Variants in MSTO1 observed in about 807,000 individuals in gnomAD.
MSTO1 encodes the protein protein misato homolog 1.
Under a neutral mutation model 55.7 loss-of-function variants are expected in MSTO1, and 24 were observed. The ratio of observed to expected loss-of-function variants is 0.43; its 90% CI spans 0.31 to 0.61. The LOEUF is 0.61. Ranked by LOEUF, MSTO1 falls within the 20% of genes least tolerant of loss-of-function variation. MSTO1 has a pLI of 0.09. For synonymous variants in MSTO1, 162 were observed against 252.8 expected (o/e 0.64, Z 3.41); for missense variants, 363 against 625.7 (o/e 0.58, Z 4.48).
At chr1:155,599,957 G>A in the MSTO1 span, among the ~76,000 whole-genome samples, 6 of 152,380 alleles carry the variant, frequency 3.9e-5, no homozygotes, top group Non-Finnish European at 5.9e-5. Flanking sequence ...TAGATGGAAT[G>A]TACAATCGGG....
chr1:155,602,462 G>A, the MSTO1 span, among the ~76,000 whole-genome samples: 1 of 152,086 alleles, frequency 6.6e-6, no homozygotes, highest in Non-Finnish European at 1.5e-5. Flanking sequence ...GGCGACAAGA[G>A]CGAAACTCCA....
the MSTO1 span, among the ~76,000 whole-genome samples, chr1:155,573,698 C>T: frequency 6.6e-6 from 1 of 151,662 alleles, no homozygotes; most frequent in South Asian, 2.1e-4. Context: ...ATTAGCTGGG[C>T]GTGGTGGCAG....
the MSTO1 span, among the ~76,000 whole-genome samples, chr1:155,592,811 T>G: frequency 6.6e-6 from 1 of 152,138 alleles, no homozygotes; most frequent in Non-Finnish European, 1.5e-5. Context: ...CGCCTTGGGC[T>G]CCCAAAGTGC....
the MSTO1 span, among the ~76,000 whole-genome samples, chr1:155,574,866 T>C: frequency 2.7e-5 from 4 of 150,190 alleles, no homozygotes; most frequent in African/African-American, 5.0e-5. Flanking sequence ...TTTTAGAACT[T>C]TTTCTTTTTT....
the MSTO1 span, among the ~76,000 whole-genome samples, chr1:155,603,099 TC>T: frequency 6.6e-6 from 1 of 152,108 alleles, no homozygotes; most frequent in Admixed American, 6.6e-5. Context: ...GCACAGGGGC[TC>T]ATGCCTGTAA....
the MSTO1 span, among the ~76,000 whole-genome samples, chr1:155,598,097 C>T: frequency 3.3e-5 from 5 of 152,036 alleles, no homozygotes; most frequent in Non-Finnish European, 4.4e-5. Flanking sequence ...GGATTACAGG[C>T]GTGTGCCACT....
chr1:155,607,099 T>G (rs1672948151), upstream of MSTO1, among the ~76,000 whole-genome samples: 1 of 152,158 alleles, frequency 6.6e-6, no homozygotes, highest in Non-Finnish European at 1.5e-5. Context: ...CCCAAAGTGC[T>G]GGGATTACAG....
At position 155,614,864 on chromosome 1, in the gene MSTO1, G is replaced by A. The variant is rs1675264796; in HGVS notation, c.*591G>A. The A allele has an allele frequency of 6.4e-7, 1 of 1,574,094 alleles. No individual in the cohort carries two copies. The highest frequency in any genetic ancestry group is 8.6e-7 in the Non-Finnish European group (1 of 1,158,456). ...AGCTGCATGAGTTCTCGAAAATGGT[G>A]GGAAACCTAAGAAAGGAGGAGGGCT... On this transcript the variant is annotated 3_prime_UTR_variant, in exon 14 of 14. Coordinates refer to ENST00000245564, the MANE Select transcript of MSTO1 (RefSeq NM_018116.4).
intron 13 of MSTO1, 51 bp downstream of exon 13, chr1:155,613,817 C>A: frequency 6.2e-7 from 1 of 1,613,656 alleles, no homozygotes; most frequent in Non-Finnish European, 8.5e-7. Flanking sequence ...AGAGTTTTTA[C>A]TATCTCCATT....
chr1:155,609,241 A>AT (rs1481008523), upstream of MSTO1, among the ~76,000 whole-genome samples: 298 of 48,270 alleles, frequency 6.2e-3, 3 homozygotes, highest in African/African-American at 0.02. Flanking sequence ...ATATATATAT[A>AT]TATTTTTTTT....
In MSTO1 at chr1:155,612,541, C is replaced by T; in HGVS notation, c.937C>T (p.Pro313Ser). Residue 313 changes from proline to serine, a missense_variant, in exon 9 of 14, where the codon CCT becomes TCT. Physicochemically the swap from Pro to Ser is moderately conservative, Grantham distance 74 (BLOSUM62 -1). Coordinates refer to ENST00000245564, the MANE Select transcript of MSTO1 (RefSeq NM_018116.4). ...GAGCCTGGGCCTGCGACCCGAGCCACCTGTCAGCTTCCCTTACCTGCATTA... is the reference window on the plus strand; with the variant it reads ...GAGCCTGGGCCTGCGACCCGAGCCATCTGTCAGCTTCCCTTACCTGCATTA... ...GGSLGLRPEP[P>S]VSFPYLHYDA... is the part of the protein sequence containing the mutation. 2 of 1,613,026 alleles carry T rather than the reference C, an allele frequency of 1.2e-6. No homozygotes were observed. The highest frequency in any genetic ancestry group is 1.1e-5 in the South Asian group (1 of 91,028).
chr1:155,583,830 T>C, the MSTO1 span, among the ~76,000 whole-genome samples: 4 of 152,252 alleles, frequency 2.6e-5, no homozygotes, highest in Non-Finnish European at 4.4e-5. Context: ...CCACAGCTCT[T>C]CCAGTAGTGG....
the MSTO1 span, chr1:155,598,734 C>CA: frequency 5.9e-5 from 34 of 579,306 alleles, no homozygotes; most frequent in African/African-American, 3.5e-4. Flanking sequence ...ACAGCAAGAA[C>CA]AACAAAAAAA....
At chr1:155,613,379 A>G in intron 11 of MSTO1, 83 bp from the exon 12 acceptor site, 1 of 1,593,874 alleles carries the variant, frequency 6.3e-7, no homozygotes. Context: ...ATCTTGATCC[A>G]GCTGATGGCC....
chr1:155,610,220 G>C lies in MSTO1; in HGVS notation c.-29G>C, dbSNP rs1673512131. The C allele has an allele frequency of 1.6e-6, 1 of 607,584 alleles. No individual in the cohort carries two copies. The highest frequency in any genetic ancestry group is 2.7e-5 in the East Asian group (1 of 36,710). 37.6% of individuals were successfully genotyped at this position (607,584 alleles called of 1,614,324 possible). A position where few individuals can be genotyped will look rare whatever the true frequency, so the allele number is the denominator to read the frequency against. Reference sequence around the variant, plus strand: ...TAGGAGCAGCGAGCGGCGCGGCTGAGGCGCGGCGGCCCCGTGGAGCAGCGC... The same window carrying C: ...TAGGAGCAGCGAGCGGCGCGGCTGACGCGCGGCGGCCCCGTGGAGCAGCGC... On this transcript the variant is annotated 5_prime_UTR_variant, in exon 1 of 14. Transcript: ENST00000245564.
At chr1:155,588,989 T>C in the MSTO1 span, among the ~76,000 whole-genome samples, 1 of 152,152 alleles carries the variant, frequency 6.6e-6, no homozygotes, top group Non-Finnish European at 1.5e-5. Flanking sequence ...ACTGATCATA[T>C]TACAAGGCTA....
At chr1:155,606,379 T>G (rs1380426558), upstream of MSTO1, among the ~76,000 whole-genome samples, 1 of 149,954 alleles carries the variant, frequency 6.7e-6, no homozygotes, top group African/African-American at 2.5e-5. Flanking sequence ...CTTTTTTTTT[T>G]CTATTTTTTC....
At chr1:155,565,656 T>C in the MSTO1 span, among the ~76,000 whole-genome samples, 18 of 152,304 alleles carry the variant, frequency 1.2e-4, 1 homozygote, top group African/African-American at 3.8e-4. Flanking sequence ...ACCACACCAG[T>C]GTATAGGGAG....
intron 9 of MSTO1, 42 bp downstream of exon 9, chr1:155,612,612 G>A: frequency 6.4e-7 from 1 of 1,570,704 alleles, no homozygotes; most frequent in Non-Finnish European, 8.6e-7. Flanking sequence ...CAGGCTACAG[G>A]GCCTCCTCAT....
Sources: gnomAD v4.1 joint callset for allele counts (sites outside exome capture counted in the v4.1 genomes callset) on GRCh38, gnomAD v4.1.1 for gene constraint, MANE v1.5 for transcripts, NCBI Gene and HGNC (gene_info 2026-07-23, HGNC 2026-07-21) for gene names.